The following DIP2B variants were observed in gnomAD, a reference collection of about 807,000 sequenced individuals.
DIP2B encodes the protein disco-interacting protein 2 homolog B.
DIP2B carries 76 observed loss-of-function variants against 198.0 expected under a neutral mutation model. The ratio of observed to expected loss-of-function variants is 0.38; its 90% CI spans 0.32 to 0.46. The LOEUF (loss-of-function observed/expected upper bound fraction) is 0.46. Among genes scored for constraint, DIP2B ranks in the 20% least tolerant of loss-of-function variants. The pLI is 0.99. For synonymous variants in DIP2B, 701 were observed against 739.1 expected (o/e 0.95, Z 0.84); for missense variants, 1,559 against 1,978.4 (o/e 0.79, Z 4.02).
intron 10 of DIP2B, 88 bp downstream of exon 10, chr12:50,683,336 A>G (rs1939076971): frequency 9.3e-7 from 1 of 1,080,924 alleles, no homozygotes; most frequent in African/African-American, 1.6e-5. Context: ...AACAGTAAAA[A>G]CTGTTCGACC....
chr12:50,682,820 G>A (rs1045007813), intron 9 of DIP2B, among the ~76,000 whole-genome samples: 1 of 152,024 alleles, frequency 6.6e-6, no homozygotes, highest in Non-Finnish European at 1.5e-5. Context: ...ATTGCCTTGG[G>A]TTTCCTAAGT....
At chr12:50,731,224 C>A in intron 30 of DIP2B, 145 bp from the exon 31 acceptor site, 1 of 1,000,224 alleles carries the variant, frequency 1.0e-6, no homozygotes, top group South Asian at 2.4e-5. Flanking sequence ...TGCATAGGAA[C>A]AAGACTGATT....
chr12:50,541,117 T>A (rs1375299285), intron 1 of DIP2B, among the ~76,000 whole-genome samples: 1 of 152,200 alleles, frequency 6.6e-6, no homozygotes, highest in Non-Finnish European at 1.5e-5. Context: ...GAGATTTGCA[T>A]TAATAAATGT....
intron 2 of DIP2B, among the ~76,000 whole-genome samples, chr12:50,638,121 C>T (rs772833828): frequency 5.3e-5 from 8 of 152,178 alleles, no homozygotes; most frequent in Admixed American, 2.6e-4. Flanking sequence ...CAGAAACCCC[C>T]GAACTGAAGC....
At chr12:50,565,206 A>AG (rs935653336) in intron 1 of DIP2B, among the ~76,000 whole-genome samples, 2 of 152,010 alleles carry the variant, frequency 1.3e-5, no homozygotes, top group African/African-American at 4.8e-5. Flanking sequence ...CATGTTGGTC[A>AG]GGCTTGTCTT....
At chr12:50,616,126 A>G (rs546573202) in intron 1 of DIP2B, among the ~76,000 whole-genome samples, 1 of 152,240 alleles carries the variant, frequency 6.6e-6, no homozygotes, top group Non-Finnish European at 1.5e-5. Context: ...AAGAAGTCAC[A>G]TATGTTTGAC....
At chr12:50,693,903 A>T (rs1592130953) in intron 14 of DIP2B, among the ~76,000 whole-genome samples, 1 of 152,192 alleles carries the variant, frequency 6.6e-6, no homozygotes, top group Non-Finnish European at 1.5e-5. Context: ...GGCTAATCTC[A>T]ATACGAAGGC....
At position 50,727,752 on chromosome 12, in the gene DIP2B, T is replaced by A. The variant is rs759118759; in HGVS notation, c.3450T>A (p.Pro1150=). The change falls in exon 29 of 38, where the codon CCT becomes CCA. Residue 1150 remains proline, a synonymous_variant. Transcript: ENST00000301180. ...RLPQLYKPPT[P]EMLAYLDFSV... Reference sequence around the variant, plus strand: ...CTCAGCTGTATAAACCGCCCACTCCTGAGATGTTGGCATATCTTGATTTTA... The same window carrying A: ...CTCAGCTGTATAAACCGCCCACTCCAGAGATGTTGGCATATCTTGATTTTA... The A allele has an allele frequency of 6.2e-7, 1 of 1,614,224 alleles. No homozygotes were observed. Among genetic ancestry groups the A allele is most frequent in the Non-Finnish European group, 8.5e-7 (1 of 1,180,020 alleles).
intron 1 of DIP2B, among the ~76,000 whole-genome samples, chr12:50,513,655 C>G (rs1317213452): frequency 6.6e-6 from 1 of 152,164 alleles, no homozygotes; most frequent in Non-Finnish European, 1.5e-5. Context: ...GGGCAGATCA[C>G]CTGAGGACAG....
chr12:50,554,597 G>A (rs1003890741), intron 1 of DIP2B, among the ~76,000 whole-genome samples: 1 of 152,080 alleles, frequency 6.6e-6, no homozygotes, highest in Non-Finnish European at 1.5e-5. Flanking sequence ...TTGGTCACTG[G>A]GTGCGTGGCA....
At chr12:50,661,132 T>A (rs999143044) in intron 4 of DIP2B, among the ~76,000 whole-genome samples, 5 of 151,792 alleles carry the variant, frequency 3.3e-5, no homozygotes, top group African/African-American at 7.3e-5. Context: ...TCGAAAAAAA[T>A]TTTTTTTAGA....
At chr12:50,565,126 C>T (rs1465865082) in intron 1 of DIP2B, among the ~76,000 whole-genome samples, 4 of 152,040 alleles carry the variant, frequency 2.6e-5, no homozygotes, top group Non-Finnish European at 5.9e-5. Flanking sequence ...GCTCAGCCCC[C>T]TGAGTAGCTG....
At chr12:50,601,748 C>T (rs530255165) in intron 1 of DIP2B, among the ~76,000 whole-genome samples, 2 of 152,104 alleles carry the variant, frequency 1.3e-5, no homozygotes, top group East Asian at 3.9e-4. Flanking sequence ...TTTTGTTGGC[C>T]TTCATAATGT....
At chr12:50,641,806 A>G (rs1049314505) in intron 3 of DIP2B, among the ~76,000 whole-genome samples, 7 of 152,160 alleles carry the variant, frequency 4.6e-5, no homozygotes, top group African/African-American at 1.4e-4. Context: ...GGCCCTTCCC[A>G]TGCCCACTTC....
At chr12:50,527,553 A>G (rs1049983087) in intron 1 of DIP2B, among the ~76,000 whole-genome samples, 2 of 152,080 alleles carry the variant, frequency 1.3e-5, no homozygotes, top group African/African-American at 4.8e-5. Context: ...AGGCGGGAGG[A>G]TTGCTTGAGG....
chr12:50,603,658 G>A (rs1332153920), intron 1 of DIP2B, among the ~76,000 whole-genome samples: 1 of 151,698 alleles, frequency 6.6e-6, no homozygotes, highest in African/African-American at 2.4e-5. Flanking sequence ...GGAGGTCGAG[G>A]TTGCAGCAAG....
intron 1 of DIP2B, among the ~76,000 whole-genome samples, chr12:50,526,603 C>CATTG (rs1353840232): frequency 1.5e-5 from 2 of 136,838 alleles, no homozygotes; most frequent in East Asian, 2.3e-4. Context: ...TTTGCACATG[C>CATTG]ATTGATTCTC....
At chr12:50,518,123 A>G (rs1330411238) in intron 1 of DIP2B, among the ~76,000 whole-genome samples, 1 of 152,252 alleles carries the variant, frequency 6.6e-6, no homozygotes, top group Non-Finnish European at 1.5e-5. Flanking sequence ...ACCTGTGGTT[A>G]CACATTTCCC....
chr12:50,546,265 G>A (rs866746604), intron 1 of DIP2B, among the ~76,000 whole-genome samples: 2 of 152,176 alleles, frequency 1.3e-5, no homozygotes, highest in African/African-American at 4.8e-5. Context: ...TTTACTTCAG[G>A]TACAGCATAT....
Sources: allele counts gnomAD v4.1 joint callset (sites outside exome capture counted in the v4.1 genomes callset), GRCh38; gene constraint gnomAD v4.1.1; transcripts MANE v1.5; gene names NCBI Gene and HGNC (gene_info 2026-07-23, HGNC 2026-07-21).